The following PLD5 variants were observed in gnomAD, a reference collection of about 807,000 sequenced individuals.
The protein encoded by PLD5 is phospholipase D family member 5.
A neutral mutation model predicts 61.1 loss-of-function variants in PLD5; 36 were observed. The ratio of observed to expected loss-of-function variants is 0.59; its 90% CI spans 0.45 to 0.78. The LOEUF (loss-of-function observed/expected upper bound fraction) is 0.78, where lower values mean the gene tolerates loss of function less well. Among genes scored for constraint, PLD5 ranks in the 30% least tolerant of loss-of-function variants. The pLI, the probability that PLD5 is intolerant of heterozygous loss-of-function variation, is 0.00. For synonymous variants in PLD5, 243 were observed against 242.8 expected (o/e 1.00, Z -0.01); for missense variants, 515 against 644.4 (o/e 0.80, Z 2.17).
intron 7 of PLD5, among the ~76,000 whole-genome samples, chr1:242,111,149 G>A (rs968934465): frequency 1.3e-4 from 19 of 151,522 alleles, no homozygotes; most frequent in African/African-American, 3.1e-4. Context: ...CTTGGCTGTC[G>A]AGGTTCAAGC....
intron 5 of PLD5, among the ~76,000 whole-genome samples, chr1:242,177,562 TA>T (rs997467081): frequency 1.3e-5 from 2 of 151,796 alleles, no homozygotes; most frequent in Non-Finnish European, 2.9e-5. Context: ...CTTATAAAAA[TA>T]AAAAAAATTT....
chr1:242,164,835 C>G (rs991209827), intron 5 of PLD5, among the ~76,000 whole-genome samples: 1 of 152,116 alleles, frequency 6.6e-6, no homozygotes, highest in Non-Finnish European at 1.5e-5. Flanking sequence ...GATTAATTTC[C>G]AAGTATTTAC....
At chr1:242,400,321 G>C (rs565864260) in intron 1 of PLD5, among the ~76,000 whole-genome samples, 8 of 116,410 alleles carry the variant, frequency 6.9e-5, no homozygotes, top group African/African-American at 2.6e-4. Context: ...TGCAAAAAAG[G>C]CTGGGAATTG....
chr1:242,184,336 C>T (rs1667736178), intron 5 of PLD5, among the ~76,000 whole-genome samples: 1 of 152,158 alleles, frequency 6.6e-6, no homozygotes, highest in African/African-American at 2.4e-5. Flanking sequence ...CAGGCTCTAC[C>T]TCACTGCACA....
chr1:242,421,848 A>G (rs1665162868), intron 1 of PLD5, among the ~76,000 whole-genome samples: 1 of 152,244 alleles, frequency 6.6e-6, no homozygotes, highest in South Asian at 2.1e-4. Flanking sequence ...ATCTGATGAA[A>G]TGGAGAATCC....
At chr1:242,327,363 G>T (rs1311062682) in intron 2 of PLD5, among the ~76,000 whole-genome samples, 1 of 152,100 alleles carries the variant, frequency 6.6e-6, no homozygotes, top group Admixed American at 6.6e-5. Flanking sequence ...TCATTTGGTG[G>T]ATTCCTTCAG....
At chr1:242,131,579 A>AG (rs1663254905) in intron 5 of PLD5, among the ~76,000 whole-genome samples, 1 of 152,158 alleles carries the variant, frequency 6.6e-6, no homozygotes, top group Non-Finnish European at 1.5e-5. Context: ...AAGAAAACCG[A>AG]GGTACAAAGA....
chr1:242,457,839 C>A (rs921784438), intron 1 of PLD5, among the ~76,000 whole-genome samples: 3 of 152,124 alleles, frequency 2.0e-5, no homozygotes, highest in Non-Finnish European at 4.4e-5. Flanking sequence ...ACATATTGGG[C>A]CTATATTCCT....
intron 5 of PLD5, among the ~76,000 whole-genome samples, chr1:242,161,005 CTTATA>C (rs59375841): frequency 0.37 from 55,621 of 150,928 alleles, 10,644 homozygotes; most frequent in African/African-American, 0.47. Flanking sequence ...CATATGGGGA[CTTATA>C]TTATCTTTTT....
At chr1:242,267,039 C>T (rs1341653101) in intron 3 of PLD5, among the ~76,000 whole-genome samples, 1 of 151,796 alleles carries the variant, frequency 6.6e-6, no homozygotes, top group African/African-American at 2.4e-5. Flanking sequence ...ATCACTGGAA[C>T]CTGGGAGGTG....
chr1:242,329,484 G>A (rs1345770002), intron 2 of PLD5, among the ~76,000 whole-genome samples: 1 of 152,026 alleles, frequency 6.6e-6, no homozygotes, highest in African/African-American at 2.4e-5. Context: ...CCACTATGCA[G>A]TACCAGCTTC....
intron 1 of PLD5, among the ~76,000 whole-genome samples, chr1:242,469,103 C>T (rs12130216): frequency 0.089 from 13,490 of 152,222 alleles, 808 homozygotes; most frequent in Non-Finnish European, 0.13. Flanking sequence ...TGGATTGCCT[C>T]TTTGTTTACT....
At chr1:242,360,460 C>T (rs1661003225) in intron 1 of PLD5, among the ~76,000 whole-genome samples, 2 of 151,676 alleles carry the variant, frequency 1.3e-5, no homozygotes, top group African/African-American at 4.8e-5. Flanking sequence ...TTCATTGTTT[C>T]TATAATCAGA....
chr1:242,297,276 C>T (rs1455748861), intron 2 of PLD5, among the ~76,000 whole-genome samples: 6 of 137,218 alleles, frequency 4.4e-5, no homozygotes, highest in East Asian at 2.4e-4. Flanking sequence ...CTCTGAAGGC[C>T]GAGGTTGCAG....
intron 2 of PLD5, among the ~76,000 whole-genome samples, chr1:242,297,455 A>G (rs1675748095): frequency 1.3e-5 from 2 of 149,416 alleles, no homozygotes; most frequent in African/African-American, 5.0e-5. Flanking sequence ...CATCCAGGCT[A>G]GAGAACAGAG....
intron 5 of PLD5, among the ~76,000 whole-genome samples, chr1:242,131,302 C>A (rs1663225495): frequency 6.6e-6 from 1 of 152,016 alleles, no homozygotes; most frequent in Non-Finnish European, 1.5e-5. Flanking sequence ...GAGACTCTGT[C>A]TCAAAAAAAA....
intron 1 of PLD5, among the ~76,000 whole-genome samples, chr1:242,394,262 G>GTATATA (rs1401438974): frequency 1.2e-5 from 1 of 81,118 alleles, no homozygotes; most frequent in South Asian, 5.3e-4. Flanking sequence ...ATATATATGA[G>GTATATA]TATGAGTATA....
At chr1:242,170,390 AC>A (rs1305711379) in intron 5 of PLD5, among the ~76,000 whole-genome samples, 1 of 152,118 alleles carries the variant, frequency 6.6e-6, no homozygotes, top group African/African-American at 2.4e-5. Flanking sequence ...TCCACTCAAA[AC>A]CCCATCAGAA....
At chr1:242,527,855 AT>A (rs1313870362), upstream of PLD5, among the ~76,000 whole-genome samples, 1 of 152,218 alleles carries the variant, frequency 6.6e-6, no homozygotes, top group Non-Finnish European at 1.5e-5. Context: ...TAATTACTGA[AT>A]TTCTACATTA....
Sources: gnomAD v4.1 joint callset for allele counts (sites outside exome capture counted in the v4.1 genomes callset) on GRCh38, gnomAD v4.1.1 for gene constraint, MANE v1.5 for transcripts, NCBI Gene and HGNC (gene_info 2026-07-23, HGNC 2026-07-21) for gene names.